Variants in SLCO2B1 observed in about 807,000 individuals in gnomAD.
SLCO2B1 encodes the protein solute carrier organic anion transporter family member 2B1.
A neutral mutation model predicts 67.3 loss-of-function variants in SLCO2B1; 41 were observed. The observed-to-expected ratio is 0.61, with a 90% confidence interval of 0.47 to 0.79. The LOEUF (loss-of-function observed/expected upper bound fraction) is 0.79, where lower values mean the gene tolerates loss of function less well. Among genes scored for constraint, SLCO2B1 ranks in the 30% least tolerant of loss-of-function variants. The pLI is 0.00. For missense variants in SLCO2B1, 837 were observed against 920.1 expected (o/e 0.91, Z 1.17); for synonymous variants, 379 against 381.4 (o/e 0.99, Z 0.07).
In SLCO2B1 at chr11:75,171,644, C is replaced by T. The variant is rs149967373; in HGVS notation, c.782-735C>T. Among the ~76,000 whole-genome samples the T allele has an allele frequency of 2.1e-3, 323 of 152,232 alleles. 1 individual carries two copies. The highest frequency in any genetic ancestry group is 4.6e-3 in the Admixed American group (70 of 15,294). On this transcript the variant is annotated intron_variant, in intron 6 of 13. Transcript: ENST00000289575. ...TCAGCCTTGTGATTAAGAAGTATGA[C>T]GGGAGCTTTGTGTGTTCCAGCCAGG...
intron 7 of SLCO2B1, among the ~76,000 whole-genome samples, chr11:75,187,812 AATG>A (rs1010654123): frequency 6.6e-6 from 1 of 152,116 alleles, no homozygotes; most frequent in African/African-American, 2.4e-5. Context: ...AAGGAATAGA[AATG>A]ATGATGATGA....
chr11:75,191,509 CCGT>C (rs1435106346), intron 8 of SLCO2B1, among the ~76,000 whole-genome samples: 2 of 152,330 alleles, frequency 1.3e-5, no homozygotes, highest in African/African-American at 2.4e-5. Context: ...CCCCCACCCA[CCGT>C]CCTGAACTGT....
At position 75,181,211 on chromosome 11, in the gene SLCO2B1, A is replaced by G. The variant is rs1295566901; in HGVS notation, c.973-6925A>G. Among the ~76,000 whole-genome samples the G allele has an allele frequency of 2.0e-5, 3 of 152,006 alleles. 1 individual carries two copies. Among genetic ancestry groups the G allele is most frequent in the Admixed American group, 2.0e-4 (3 of 15,256 alleles). On this transcript the variant is annotated intron_variant, in intron 7 of 13. Coordinates refer to ENST00000289575, the MANE Select transcript of SLCO2B1 (RefSeq NM_007256.5). ...TGGAGAAACCCTGTCTCTACTAAAA[A>G]TACGAAAAATTAGCCAGGCATGGTG...
intron 7 of SLCO2B1, among the ~76,000 whole-genome samples, chr11:75,184,327 G>A (rs187783116): frequency 6.6e-5 from 10 of 152,302 alleles, no homozygotes; most frequent in Admixed American, 2.0e-4. Flanking sequence ...TCCAGCAGGG[G>A]AGAAAGATGT....
rs1037614879 is a variant in SLCO2B1, at chr11:75,161,852, G to A, written c.17-803G>A. Among the ~76,000 whole-genome samples the A allele has an allele frequency of 4.6e-5, 7 of 152,024 alleles. No homozygotes were observed. In the East Asian group the frequency reaches 1.2e-3, roughly 25 times the overall value. On this transcript the variant is annotated intron_variant, in intron 1 of 13. Transcript: ENST00000289575. ...GAGACCCTGGGAAATGCCTCTGAAG[G>A]GGCTCAGCTTTCCTCTCATTGCAGT...
intron 11 of SLCO2B1, chr11:75,200,694 G>T: frequency 3.5e-6 from 1 of 281,860 alleles, no homozygotes; most frequent in Admixed American, 5.1e-5. Context: ...CAGGGGAGAG[G>T]AGGACATACC....
At chr11:75,200,600 T>C (rs1436182596) in intron 11 of SLCO2B1, 1 of 494,392 alleles carries the variant, frequency 2.0e-6, no homozygotes, top group Non-Finnish European at 3.5e-6. Flanking sequence ...CTCAGAGAAG[T>C]TCAGGAGCTG....
chr11:75,174,191 T>G (rs994813384), intron 7 of SLCO2B1, among the ~76,000 whole-genome samples: 3 of 152,240 alleles, frequency 2.0e-5, no homozygotes, highest in African/African-American at 7.2e-5. Context: ...ATTTGTGCAT[T>G]AGATTTCCTC....
chr11:75,168,612 T>G (rs1200495494), intron 4 of SLCO2B1, among the ~76,000 whole-genome samples: 1 of 152,132 alleles, frequency 6.6e-6, no homozygotes, highest in Non-Finnish European at 1.5e-5. Context: ...CCCAGGGCCC[T>G]CCACAATCCA....
chr11:75,152,757 C>T (rs753407281), intron 1 of SLCO2B1, among the ~76,000 whole-genome samples: 2 of 152,150 alleles, frequency 1.3e-5, no homozygotes, highest in Admixed American at 6.5e-5. Context: ...ACACAGACAG[C>T]AGGAAGCTGA....
Position 75,165,915 on chromosome 11 carries a change from C to T in SLCO2B1, c.414C>T (p.Ile138=), listed in dbSNP as rs1949884608. Residue 138 remains isoleucine, a synonymous_variant, in exon 4 of 14, where the codon ATC becomes ATT. Transcript: ENST00000289575. ...TGCTCATGACTCTCCCGCACTTCAT[C>T]TCGGAGCCATACCGCTACGACAACA... ...AGLLMTLPHF[I]SEPYRYDNTS... 3.7e-6 allele frequency: 6 copies of T among 1,614,166 alleles called. No individual in the cohort carries two copies. Among genetic ancestry groups the T allele is most frequent in the African/African-American group, 1.3e-5 (1 of 75,064 alleles).
rs183212357 is a variant in SLCO2B1, at chr11:75,159,099, C to A, written c.17-3556C>A. Among the ~76,000 whole-genome samples, 1,225 of 152,338 alleles carry A rather than the reference C, an allele frequency of 8.0e-3. 8 individuals are homozygous for A. The highest frequency in any genetic ancestry group is 0.037 in the Middle Eastern group (11 of 294). On this transcript the variant is annotated intron_variant, in intron 1 of 13. Coordinates refer to ENST00000289575, the MANE Select transcript of SLCO2B1 (RefSeq NM_007256.5). ...ACTTGTCTGACTGTCTTATGAGGAG[C>A]TGCAGGCAGGTGGCTGACTGACGGC...
At chr11:75,183,375 A>C (rs941429316) in intron 7 of SLCO2B1, among the ~76,000 whole-genome samples, 5 of 152,326 alleles carry the variant, frequency 3.3e-5, no homozygotes, top group Non-Finnish European at 7.3e-5. Context: ...TGCAGCTCTA[A>C]GGTATAAATG....
intron 7 of SLCO2B1, 33 bp from the exon 8 acceptor site, chr11:75,188,103 A>G: frequency 2.0e-6 from 3 of 1,525,178 alleles, no homozygotes; most frequent in Non-Finnish European, 1.8e-6. Flanking sequence ...GCTGGCATCC[A>G]GCGGACTGTC....
chr11:75,201,407 C>T (rs1945180808), intron 11 of SLCO2B1: 2 of 152,216 alleles, frequency 1.3e-5, no homozygotes, highest in African/African-American at 4.8e-5. Flanking sequence ...TTTTCCCACA[C>T]ACCAGGCACT....
intron 10 of SLCO2B1, among the ~76,000 whole-genome samples, chr11:75,199,275 T>C (rs1204762561): frequency 6.6e-6 from 1 of 151,938 alleles, no homozygotes; most frequent in Non-Finnish European, 1.5e-5. Flanking sequence ...CAGTGGAGAG[T>C]GCCTGGTCAC....
intron 12 of SLCO2B1, 86 bp downstream of exon 12, chr11:75,203,051 G>C: frequency 7.7e-7 from 1 of 1,294,958 alleles, no homozygotes. Flanking sequence ...GGCATGAGCG[G>C]AATTCAATCC....
chr11:75,197,907 C>T (rs1945124507), intron 10 of SLCO2B1, among the ~76,000 whole-genome samples: 1 of 152,194 alleles, frequency 6.6e-6, no homozygotes, highest in Non-Finnish European at 1.5e-5. Flanking sequence ...CCCAAAATGA[C>T]AAAGGGGGAC....
chr11:75,186,911 AC>A, intron 7 of SLCO2B1, among the ~76,000 whole-genome samples: 1 of 152,302 alleles, frequency 6.6e-6, no homozygotes. Context: ...TTCAGGGTGT[AC>A]CAGTGAAGTG....
Sources: allele counts gnomAD v4.1 joint callset (sites outside exome capture counted in the v4.1 genomes callset), GRCh38; gene constraint gnomAD v4.1.1; transcripts MANE v1.5; gene names NCBI Gene and HGNC (gene_info 2026-07-23, HGNC 2026-07-21).